DPP6: variants seen among roughly 807,000 people sequenced by gnomAD.
DPP6 encodes the protein dipeptidyl peptidase like 6, also known as A-type potassium channel modulatory protein DPP6.
A neutral mutation model predicts 122.6 loss-of-function variants in DPP6; 69 were observed. That is an observed-to-expected ratio of 0.56 (90% CI 0.46 to 0.69). DPP6 has a LOEUF of 0.69. Among genes scored for constraint, DPP6 ranks in the 30% least tolerant of loss-of-function variants. The pLI is 0.00. For missense variants in DPP6, 928 were observed against 1,116.9 expected, an observed-to-expected ratio of 0.83 and a Z score of 2.41; for synonymous variants, 418 against 433.1, an observed-to-expected ratio of 0.97 and a Z score of 0.43.
chr7:154,615,270 A>G (rs961405864), intron 5 of DPP6, among the ~76,000 whole-genome samples: 7 of 152,154 alleles, frequency 4.6e-5, no homozygotes, highest in African/African-American at 1.7e-4. Context: ...TCCAGCAATT[A>G]TATGTATTCT....
At chr7:154,244,325 C>CATT (rs1219031694) in intron 1 of DPP6, among the ~76,000 whole-genome samples, 3 of 152,040 alleles carry the variant, frequency 2.0e-5, no homozygotes, top group African/African-American at 7.2e-5. Context: ...AAAATAAAGA[C>CATT]ATTTTCAGAT....
In DPP6 at chr7:154,164,448, T is replaced by C. The variant is rs114844576; in HGVS notation, c.243+111385T>C. Reference sequence around the variant, plus strand: ...TGGTCCTTCATCTTGACCATGATGTTTGTTTTACTGCTTCCTTGATGTATA... The same window carrying C: ...TGGTCCTTCATCTTGACCATGATGTCTGTTTTACTGCTTCCTTGATGTATA... On this transcript the variant is annotated intron_variant, in intron 1 of 25. Coordinates refer to ENST00000377770, the MANE Select transcript of DPP6 (RefSeq NM_130797.4). 4.0e-3 allele frequency among the ~76,000 whole-genome samples: 614 copies of C among 152,280 alleles called. 1 individual carries two copies. Among genetic ancestry groups the C allele is most frequent in the African/African-American group, 0.014 (589 of 41,556 alleles).
intron 1 of DPP6, among the ~76,000 whole-genome samples, chr7:153,997,568 T>A (rs1306954461): frequency 1.4e-5 from 2 of 142,382 alleles, no homozygotes; most frequent in Admixed American, 7.2e-5. Flanking sequence ...AGGATTTTTT[T>A]ATTCTCTTTG....
At chr7:154,388,034 G>T (rs927254351) in intron 1 of DPP6, among the ~76,000 whole-genome samples, 43 of 152,096 alleles carry the variant, frequency 2.8e-4, no homozygotes, top group African/African-American at 1.0e-3. Flanking sequence ...TGAGTGCAAA[G>T]GCTCAGCCTG....
At chr7:154,229,615 C>T (rs1800800125) in intron 1 of DPP6, among the ~76,000 whole-genome samples, 1 of 152,158 alleles carries the variant, frequency 6.6e-6, no homozygotes, top group Non-Finnish European at 1.5e-5. Flanking sequence ...CCTATTAAAA[C>T]AAGTTTTTTT....
At chr7:154,872,889 G>A (rs1401070201) in intron 19 of DPP6, among the ~76,000 whole-genome samples, 196 bp downstream of exon 19, 1 of 152,212 alleles carries the variant, frequency 6.6e-6, no homozygotes, top group Admixed American at 6.5e-5. Context: ...AAGGAAAGTG[G>A]GTGCTGTGTA....
chr7:153,852,770 T>C, the DPP6 span, among the ~76,000 whole-genome samples: 4 of 152,368 alleles, frequency 2.6e-5, no homozygotes, highest in Admixed American at 2.6e-4. Context: ...ATTAATCCTC[T>C]TGTGAAATGA....
chr7:154,147,649 TG>T (rs1348949875), intron 1 of DPP6, among the ~76,000 whole-genome samples: 627 of 8,426 alleles, frequency 0.074, no homozygotes, highest in African/African-American at 0.31. Flanking sequence ...CCAGCTAATT[TG>T]TGTGTGTGTG....
chr7:153,980,207 C>A (rs1227895608), intron 1 of DPP6, among the ~76,000 whole-genome samples: 4 of 152,116 alleles, frequency 2.6e-5, no homozygotes, highest in Non-Finnish European at 5.9e-5. Flanking sequence ...CTATTAATTA[C>A]TGTATCAATT....
the DPP6 span, among the ~76,000 whole-genome samples, chr7:153,750,101 A>G: frequency 6.6e-6 from 1 of 152,206 alleles, no homozygotes; most frequent in Non-Finnish European, 1.5e-5. Context: ...TCGGAGTTGA[A>G]GTGAGTAATG....
intron 3 of DPP6, among the ~76,000 whole-genome samples, chr7:154,500,779 G>GT (rs1216714039): frequency 6.6e-6 from 1 of 152,190 alleles, no homozygotes; most frequent in African/African-American, 2.4e-5. Context: ...ATTGGTACCA[G>GT]TAGAGTGGGG....
chr7:154,164,180 T>TCCCTGCCCTGCCCTGCCCTG (rs541105536), intron 1 of DPP6, among the ~76,000 whole-genome samples: 28 of 148,532 alleles, frequency 1.9e-4, no homozygotes, highest in African/African-American at 7.3e-4. Context: ...CTAAGAGTCT[T>TCCCTGCCCTGCCCTGCCCTG]CCCTGCCCTG....
At chr7:154,105,830 C>T (rs530587688) in intron 1 of DPP6, among the ~76,000 whole-genome samples, 2 of 152,090 alleles carry the variant, frequency 1.3e-5, no homozygotes, top group East Asian at 3.9e-4. Flanking sequence ...GTCCATTAAA[C>T]CTCTTTCCTT....
At chr7:154,353,861 T>A (rs17174365) in intron 1 of DPP6, among the ~76,000 whole-genome samples, 17,442 of 152,266 alleles carry the variant, frequency 0.11, 1,520 homozygotes, top group African/African-American at 0.24. Context: ...GCAAGACCTT[T>A]GCATAGAAAA....
intron 7 of DPP6, among the ~76,000 whole-genome samples, chr7:154,689,671 A>G (rs1839828049): frequency 6.6e-6 from 1 of 152,240 alleles, no homozygotes; most frequent in South Asian, 2.1e-4. Flanking sequence ...TAGGTACTTA[A>G]GTAGGTACAA....
At chr7:154,424,614 T>G (rs1156240411) in intron 1 of DPP6, among the ~76,000 whole-genome samples, 1 of 152,232 alleles carries the variant, frequency 6.6e-6, no homozygotes, top group Non-Finnish European at 1.5e-5. Flanking sequence ...TCTCCTGTTT[T>G]CAAGCCAACC....
intron 1 of DPP6, among the ~76,000 whole-genome samples, chr7:154,363,064 C>T (rs1173626952): frequency 6.6e-6 from 1 of 152,152 alleles, no homozygotes; most frequent in Non-Finnish European, 1.5e-5. Flanking sequence ...TCCCCTCCAC[C>T]CATTGTTCTT....
In DPP6 at chr7:154,618,071, G is replaced by C. The variant is rs1407081079; in HGVS notation, c.628-19750G>C. ...CCCACAATGCTGTCTGCTCACACAG[G>C]CTTTCCCCCTTTGCACTGTTGCTGG... is the stretch of plus-strand genomic sequence containing the variant. On this transcript the variant is annotated intron_variant, in intron 5 of 25. Transcript: ENST00000377770. The surrounding 1 kb of genome is among the most constrained non-coding windows in gnomAD (Gnocchi z 4.1). 1.3e-5 allele frequency among the ~76,000 whole-genome samples: 2 copies of C among 152,124 alleles called. No individual in the cohort carries two copies. The highest frequency in any genetic ancestry group is 2.4e-5 in the African/African-American group (1 of 41,412).
At chr7:154,866,356 T>C (rs72617398) in intron 17 of DPP6, among the ~76,000 whole-genome samples, 18,329 of 152,246 alleles carry the variant, frequency 0.12, 1,492 homozygotes, top group East Asian at 0.48. Context: ...TCAGCACCAA[T>C]GAGTGCTGCC....
Sources: allele counts gnomAD v4.1 joint callset (sites outside exome capture counted in the v4.1 genomes callset), GRCh38; gene constraint gnomAD v4.1.1; non-coding constraint Gnocchi (gnomAD v3.1); transcripts MANE v1.5; gene names NCBI Gene and HGNC (gene_info 2026-07-23, HGNC 2026-07-21).